SCML2: variants seen among roughly 807,000 people sequenced by gnomAD.
SCML2 encodes the protein sex comb on midleg-like protein 2.
SCML2 carries 6 observed loss-of-function variants against 48.4 expected under a neutral mutation model. The observed-to-expected ratio is 0.12, with a 90% CI of 0.07 to 0.24. The LOEUF is 0.24. Among genes scored for constraint, SCML2 ranks in the 10% least tolerant of loss-of-function variants. The probability of loss-of-function intolerance (pLI) is 1.00; values close to 1 mark genes in which losing one functional copy is unlikely to be tolerated. For missense variants in SCML2, 377 were observed against 528.2 expected, an observed-to-expected ratio of 0.71 and a Z score of 2.81; for synonymous variants, 181 against 189.5, an observed-to-expected ratio of 0.95 and a Z score of 0.37.
In SCML2 at chrX:18,354,646, G is replaced by A. The variant is rs1471355069; in HGVS notation, c.-79C>T. On this transcript the variant is annotated 5_prime_UTR_variant, in exon 1 of 15. Coordinates refer to ENST00000251900, the MANE Select transcript of SCML2 (RefSeq NM_006089.3). Reference sequence around the variant, plus strand: ...TTCTGTCCCACCGATCGCGCGAGCCGGCACCGAGCTTCACACCGCCGCCGC... The same window carrying A: ...TTCTGTCCCACCGATCGCGCGAGCCAGCACCGAGCTTCACACCGCCGCCGC... 3.5e-6 allele frequency: 1 copy of A among 287,444 alleles called. No homozygotes were observed. The highest frequency in any genetic ancestry group is 2.8e-5 in the African/African-American group (1 of 36,066). The allele number at this position is 287,444 out of a possible 1,213,427, so 23.7% of individuals were successfully genotyped here.
intron 7 of SCML2, among the ~76,000 whole-genome samples, chrX:18,294,079 T>TA (rs1343409927): frequency 9.0e-6 from 1 of 111,692 alleles, no homozygotes; most frequent in Non-Finnish European, 1.9e-5. Flanking sequence ...ACATGCTAAA[T>TA]ATGTGGGTAA....
At chrX:18,319,217 C>A (rs1396718808) in intron 6 of SCML2, among the ~76,000 whole-genome samples, 1 of 110,984 alleles carries the variant, frequency 9.0e-6, no homozygotes, top group Non-Finnish European at 1.9e-5. Flanking sequence ...ATGGCGAGAC[C>A]CCGTCTCTAC....
At chrX:18,243,020 G>A (rs939585214) in intron 13 of SCML2, among the ~76,000 whole-genome samples, 1 of 112,170 alleles carries the variant, frequency 8.9e-6, no homozygotes, top group Non-Finnish European at 1.9e-5. Context: ...AGCTAAATCC[G>A]ATGGAAATTC....
intron 10 of SCML2, 90 bp downstream of exon 10, chrX:18,257,954 G>A (rs1926914239): frequency 2.0e-6 from 1 of 497,921 alleles, no homozygotes; most frequent in Non-Finnish European, 3.3e-6. Context: ...GGGAAGGGGA[G>A]AGGAAAGGGA....
chrX:18,341,953 T>A (rs906774901), intron 1 of SCML2, among the ~76,000 whole-genome samples: 3 of 112,202 alleles, frequency 2.7e-5, no homozygotes, highest in Non-Finnish European at 5.6e-5. Flanking sequence ...CTGGATAGCA[T>A]CAACGGATTC....
intron 1 of SCML2, among the ~76,000 whole-genome samples, chrX:18,339,467 G>C (rs1295191330): frequency 1.8e-5 from 2 of 112,293 alleles, no homozygotes; most frequent in East Asian, 2.8e-4. Context: ...CAGCACTTTA[G>C]GAGGTCAAAG....
At chrX:18,279,387 A>C (rs913496362) in intron 7 of SCML2, among the ~76,000 whole-genome samples, 3 of 112,664 alleles carry the variant, frequency 2.7e-5, no homozygotes, top group Non-Finnish European at 5.6e-5. Context: ...ACTATACTCA[A>C]CTTACACCAC....
chrX:18,311,499 T>C (rs1928947139), intron 6 of SCML2, among the ~76,000 whole-genome samples: 1 of 111,699 alleles, frequency 9.0e-6, no homozygotes, highest in African/African-American at 3.3e-5. Flanking sequence ...AAGTCTCATA[T>C]AGAAGGTGAC....
intron 7 of SCML2, among the ~76,000 whole-genome samples, chrX:18,283,884 C>T (rs1029944772): frequency 8.9e-6 from 1 of 112,277 alleles, no homozygotes; most frequent in Non-Finnish European, 1.9e-5. Flanking sequence ...AGATTCAACA[C>T]TATTGCTAAC....
At chrX:18,330,287 A>C (rs1407205126) in intron 3 of SCML2, among the ~76,000 whole-genome samples, 2 of 112,011 alleles carry the variant, frequency 1.8e-5, no homozygotes, top group Admixed American at 1.9e-4. Context: ...CTAATAACCA[A>C]ATTATTTTAA....
intron 7 of SCML2, among the ~76,000 whole-genome samples, chrX:18,302,041 A>C (rs1042883243): frequency 9.0e-6 from 1 of 111,618 alleles, no homozygotes; most frequent in African/African-American, 3.3e-5. Context: ...AAGGGACATA[A>C]AGTGAGGTAA....
At chrX:18,344,318 GTCTT>G (rs1198881036) in intron 1 of SCML2, among the ~76,000 whole-genome samples, 1 of 112,210 alleles carries the variant, frequency 8.9e-6, no homozygotes. Flanking sequence ...CTCCTCTTCT[GTCTT>G]ATCAGTTACC....
chrX:18,352,004 G>A (rs745341073), intron 1 of SCML2, among the ~76,000 whole-genome samples: 51 of 111,650 alleles, frequency 4.6e-4, no homozygotes, highest in Non-Finnish European at 7.0e-4. Flanking sequence ...CACTGATGCG[G>A]AAACAGACAC....
intron 1 of SCML2, among the ~76,000 whole-genome samples, 172 bp from the exon 2 acceptor site, chrX:18,334,267 T>A (rs1361350569): frequency 8.9e-6 from 1 of 112,052 alleles, no homozygotes; most frequent in East Asian, 2.8e-4. Flanking sequence ...GAGGAGTGAC[T>A]GCTAAGGGGC....
chrX:18,250,440 G>T (rs1205173968), intron 11 of SCML2, among the ~76,000 whole-genome samples: 1 of 108,554 alleles, frequency 9.2e-6, no homozygotes. Flanking sequence ...GGAGTGCAGT[G>T]GTGCGATCTC....
chrX:18,333,214 T>C (rs1569163025), intron 2 of SCML2, among the ~76,000 whole-genome samples: 1 of 109,801 alleles, frequency 9.1e-6, no homozygotes, highest in Non-Finnish European at 1.9e-5. Flanking sequence ...GAGGCAGAGA[T>C]TGCAATGAGC....
chrX:18,289,915 C>CA (rs898212124), intron 7 of SCML2, among the ~76,000 whole-genome samples: 1 of 108,213 alleles, frequency 9.2e-6, no homozygotes, highest in Non-Finnish European at 1.9e-5. Context: ...GTTTGCTGAA[C>CA]AAAAAAATTC....
At chrX:18,257,471 T>C (rs1218044192) in intron 10 of SCML2, among the ~76,000 whole-genome samples, 4 of 112,257 alleles carry the variant, frequency 3.6e-5, no homozygotes, top group African/African-American at 1.3e-4. Context: ...GAAGAATCTG[T>C]GACTTTTGTC....
At chrX:18,268,306 G>A (rs1017581515) in intron 7 of SCML2, among the ~76,000 whole-genome samples, 1 of 111,703 alleles carries the variant, frequency 9.0e-6, no homozygotes, top group Non-Finnish European at 1.9e-5. Flanking sequence ...GAGGCAGGTG[G>A]ATCACCTGAG....
Sources: allele counts gnomAD v4.1 joint callset (sites outside exome capture counted in the v4.1 genomes callset), GRCh38; gene constraint gnomAD v4.1.1; transcripts MANE v1.5; gene names NCBI Gene and HGNC (gene_info 2026-07-23, HGNC 2026-07-21).